GDNF: variants seen among roughly 807,000 people sequenced by gnomAD.
GDNF encodes the protein glial cell derived neurotrophic factor, also known as glial cell line-derived neurotrophic factor.
A neutral mutation model predicts 13.7 loss-of-function variants in GDNF; 5 were observed. That is an observed-to-expected ratio of 0.36 (90% CI 0.19 to 0.77). The LOEUF (loss-of-function observed/expected upper bound fraction) is 0.77, where lower values mean the gene tolerates loss of function less well. Among genes scored for constraint, GDNF ranks in the 30% least tolerant of loss-of-function variants. GDNF has a pLI of 0.51. For missense variants in GDNF, 246 were observed against 274.3 expected, an observed-to-expected ratio of 0.90 and a Z score of 0.73; for synonymous variants, 122 against 112.5, an observed-to-expected ratio of 1.08 and a Z score of -0.53.
Position 37,813,796 on chromosome 5 carries a change from C to T in GDNF, c.*1855G>A, listed in dbSNP as rs886466471. On this transcript the variant is annotated 3_prime_UTR_variant, in exon 3 of 3. Coordinates refer to ENST00000326524, the MANE Select transcript of GDNF (RefSeq NM_000514.4). ...CAAGCTGGTCTCAAACTCCTGGGTT[C>T]AAGAGATCCTCCCACCTTGGCTTTC... is the stretch of plus-strand genomic sequence containing the variant. 6.5e-6 allele frequency: 1 copy of T among 152,820 alleles called. No individual in the cohort carries two copies. Among genetic ancestry groups the T allele is most frequent in the African/African-American group, 2.4e-5 (1 of 41,418 alleles). The allele number at this position is 152,820 out of a possible 1,614,324, so 9.5% of individuals were successfully genotyped here.
intron 2 of GDNF, among the ~76,000 whole-genome samples, chr5:37,819,127 G>C (rs566987803): frequency 6.6e-6 from 1 of 152,124 alleles, no homozygotes; most frequent in African/African-American, 2.4e-5. Flanking sequence ...TGAATGAGTC[G>C]GGTCATTTTA....
intron 1 of GDNF, 22 bp from the exon 2 acceptor site, chr5:37,834,844 G>T (rs370282716): frequency 2.2e-5 from 36 of 1,609,688 alleles, no homozygotes; most frequent in Middle Eastern, 1.7e-4. Context: ...GGCGGGAGGT[G>T]GGGGAGAGAA....
At position 37,819,329 on chromosome 5, in the gene GDNF, C is replaced by T. The variant is rs993984220; in HGVS notation, c.152-3194G>A. On this transcript the variant is annotated intron_variant, in intron 2 of 2. Coordinates refer to ENST00000326524, the MANE Select transcript of GDNF (RefSeq NM_000514.4). ...TCTCCAAACCACCTTTCCTCCTCAG[C>T]TTTCTGCAGCTTTGCAGCAGCATTA... is the stretch of plus-strand genomic sequence containing the variant. Among the ~76,000 whole-genome samples, 42 of 152,200 alleles carry T rather than the reference C, an allele frequency of 2.8e-4. 1 individual carries two copies. Among genetic ancestry groups the T allele is most frequent in the Middle Eastern group, 3.4e-3 (1 of 294 alleles).
At chr5:37,827,406 AT>A (rs1027694226) in intron 2 of GDNF, among the ~76,000 whole-genome samples, 1 of 152,240 alleles carries the variant, frequency 6.6e-6, no homozygotes, top group African/African-American at 2.4e-5. Flanking sequence ...TTTGCAACAA[AT>A]TCTCAAATGG....
intron 2 of GDNF, among the ~76,000 whole-genome samples, chr5:37,817,952 T>A (rs79995431): frequency 1.3e-5 from 2 of 152,276 alleles, no homozygotes; most frequent in East Asian, 3.9e-4. Context: ...AAAGCCCAAA[T>A]CCACACTGGC....
chr5:37,822,977 C>G (rs1263717180), intron 2 of GDNF, among the ~76,000 whole-genome samples: 1 of 152,206 alleles, frequency 6.6e-6, no homozygotes, highest in Non-Finnish European at 1.5e-5. Flanking sequence ...TGTAAAACTT[C>G]TTGCATTACA....
intron 2 of GDNF, among the ~76,000 whole-genome samples, chr5:37,821,111 G>A (rs538203388): frequency 7.2e-5 from 11 of 152,156 alleles, no homozygotes; most frequent in Admixed American, 1.3e-4. Flanking sequence ...GCACCTGGGG[G>A]CATTAGGCGC....
chr5:37,838,698 A>G lies in GDNF; in HGVS notation c.-27+809T>C, dbSNP rs976027210. 6.6e-6 allele frequency among the ~76,000 whole-genome samples: 1 copy of G among 152,262 alleles called. No individual in the cohort carries two copies. The highest frequency in any genetic ancestry group is 1.5e-5 in the Non-Finnish European group (1 of 68,056). Reference sequence around the variant, plus strand: ...TTTTTCTTCGTTGGGGCAGGAAACAAACCACCAGTGCGGAATTAGCCTCGA... The same window carrying G: ...TTTTTCTTCGTTGGGGCAGGAAACAGACCACCAGTGCGGAATTAGCCTCGA... On this transcript the variant is annotated intron_variant, in intron 1 of 2. Coordinates refer to ENST00000326524, the MANE Select transcript of GDNF (RefSeq NM_000514.4). This position sits in a 1 kb window ranked among gnomAD's most constrained non-coding sequence, Gnocchi z 4.1.
At chr5:37,830,000 A>G (rs1162749039) in intron 2 of GDNF, among the ~76,000 whole-genome samples, 1 of 152,224 alleles carries the variant, frequency 6.6e-6, no homozygotes, top group African/African-American at 2.4e-5. Context: ...TTGTTCATTC[A>G]TACAGTCCCT....
chr5:37,829,158 C>G (rs1561133401), intron 2 of GDNF, among the ~76,000 whole-genome samples: 1 of 152,240 alleles, frequency 6.6e-6, no homozygotes, highest in Non-Finnish European at 1.5e-5. Context: ...GCACCTCTTT[C>G]TAGAACTTGG....
At chr5:37,821,160 G>C (rs575074276) in intron 2 of GDNF, among the ~76,000 whole-genome samples, 10 of 152,290 alleles carry the variant, frequency 6.6e-5, no homozygotes, top group Admixed American at 2.0e-4. Context: ...GCCTCACTGA[G>C]CCTGTCCTTA....
intron 1 of GDNF, chr5:37,835,868 C>G: frequency 1.6e-6 from 1 of 609,246 alleles, no homozygotes; most frequent in Non-Finnish European, 2.9e-6. Context: ...TGGTACGGCG[C>G]AGAGTAGGGG....
rs560587184 is a variant in GDNF, at chr5:37,834,887, C to T, written c.-26-65G>A. On this transcript the variant is annotated intron_variant, in intron 1 of 2. Transcript: ENST00000326524. ...ATGCACGTTAAGCCTGGGCTCCCTGCGGGTCCCTGCGCCCCTCTCCAACCT... is the reference window on the plus strand; with the variant it reads ...ATGCACGTTAAGCCTGGGCTCCCTGTGGGTCCCTGCGCCCCTCTCCAACCT... 2.6e-5 allele frequency: 38 copies of T among 1,444,506 alleles called. No individual in the cohort carries two copies. In the South Asian group the frequency reaches 4.3e-4, roughly 16 times the overall value. The allele number at this position is 1,444,506 out of a possible 1,614,324, so 89.5% of individuals were successfully genotyped here.
In GDNF at chr5:37,816,007, G is replaced by C. The variant is rs1749914427; in HGVS notation, c.280C>G (p.Gln94Glu). The C allele has an allele frequency of 1.9e-6, 3 of 1,613,722 alleles. No individual in the cohort carries two copies. Among genetic ancestry groups the C allele is most frequent in the African/African-American group, 2.7e-5 (2 of 74,926 alleles). Residue 94 changes from glutamine (Q) to glutamate (E), a missense_variant, in exon 3 of 3, where the codon CAG becomes GAG. Physicochemically the swap from Gln to Glu is conservative, Grantham distance 29 (BLOSUM62 2). Transcript: ENST00000326524. The stretch of plus-strand genomic sequence containing the variant: ...TTCTCTGGGTTGGCAGCTGCAGCCT[G>C]CCGATTCCGCTCTCTTCTAGGAAGC... ...AVLPRRERNRQAAAANPENSR... is the reference protein window; with the variant it reads ...AVLPRRERNREAAAANPENSR...
At chr5:37,822,273 C>T (rs562620759) in intron 2 of GDNF, among the ~76,000 whole-genome samples, 30 of 152,320 alleles carry the variant, frequency 2.0e-4, no homozygotes, top group African/African-American at 7.2e-4. Context: ...ATGAGCCGGG[C>T]TTGGCTGATG....
Position 37,820,475 on chromosome 5 carries a change from G to C in GDNF, c.152-4340C>G, listed in dbSNP as rs1000328687. On this transcript the variant is annotated intron_variant, in intron 2 of 2. Transcript: ENST00000326524. ...TTGCCAGGTAAAATACAGAAAGCCT[G>C]GTTGTATTTGAATTTCAGGTAAATA... Among the ~76,000 whole-genome samples the C allele has an allele frequency of 6.6e-5, 10 of 152,260 alleles. No homozygotes were observed. The East Asian group carries it at 1.3e-3, about 21-fold the overall frequency.
intron 2 of GDNF, among the ~76,000 whole-genome samples, chr5:37,829,292 C>T (rs989524679): frequency 1.3e-5 from 2 of 152,138 alleles, no homozygotes; most frequent in African/African-American, 2.4e-5. Context: ...ACCCATCTTT[C>T]AAGTACCAGG....
At chr5:37,824,127 T>G in intron 2 of GDNF, 8 of 626,612 alleles carry the variant, frequency 1.3e-5, no homozygotes, top group Non-Finnish European at 1.6e-5. Context: ...GAAAGGGCCC[T>G]GTATCTGCAT....
At chr5:37,829,093 A>G (rs1750430126) in intron 2 of GDNF, among the ~76,000 whole-genome samples, 1 of 152,240 alleles carries the variant, frequency 6.6e-6, no homozygotes, top group Non-Finnish European at 1.5e-5. Flanking sequence ...ATTTTATAGT[A>G]TCACACAATC....
Sources: gnomAD v4.1 joint callset for allele counts (sites outside exome capture counted in the v4.1 genomes callset) on GRCh38, gnomAD v4.1.1 for gene constraint, Gnocchi (gnomAD v3.1) non-coding constraint, MANE v1.5 for transcripts, NCBI Gene and HGNC (gene_info 2026-07-23, HGNC 2026-07-21) for gene names.